MBD4: variants seen among roughly 807,000 people sequenced by gnomAD.
MBD4 encodes the protein methyl-CpG-binding domain protein 4.
Under a neutral mutation model 60.2 loss-of-function variants are expected in MBD4, and 53 were observed. That is an observed-to-expected ratio of 0.88 (90% CI 0.71 to 1.11). MBD4 has a LOEUF of 1.11. MBD4 is among the 50% of genes least tolerant of loss of function. The pLI is 0.00. For synonymous variants in MBD4, 231 were observed against 229.8 expected (o/e 1.01, Z -0.05); for missense variants, 619 against 674.0 (o/e 0.92, Z 0.90).
chr3:129,433,612 C>T (rs1249504382), intron 5 of MBD4: 1 of 594,680 alleles, frequency 1.7e-6, no homozygotes, highest in Non-Finnish European at 2.9e-6. Context: ...CTGATTTTCA[C>T]TGATGATCAA....
chr3:129,433,858 C>T lies in MBD4; in HGVS notation c.1385G>A (p.Arg462Gln), dbSNP rs551945879. Residue 462 changes from arginine to glutamine, a missense_variant, in exon 5 of 8, where the codon CGG (arginine) becomes CAG (glutamine). Physicochemically the swap from Arg to Gln is conservative, Grantham distance 43. Coordinates refer to ENST00000429544, the MANE Select transcript of MBD4 (RefSeq NM_001276270.2). ...KLLIATIFLN[R>Q]TSGKMAIPVL... ...GATAATAATCCCCAAACCTGAGGTC[C>T]GATTGAGAAATATAGTAGCGATGAG... 2.5e-6 allele frequency: 4 copies of T among 1,613,982 alleles called. No individual in the cohort carries two copies. The highest frequency in any genetic ancestry group is 2.2e-5 in the South Asian group (2 of 91,076).
chr3:129,436,088 A>C (rs2072454132), intron 3 of MBD4, among the ~76,000 whole-genome samples: 1 of 152,214 alleles, frequency 6.6e-6, no homozygotes, highest in Non-Finnish European at 1.5e-5. Context: ...GAAGGCTTTT[A>C]ATTTTCCTTC....
At chr3:129,432,365 C>A (rs1275522010) in intron 7 of MBD4, 138 bp downstream of exon 7, 1 of 1,554,226 alleles carries the variant, frequency 6.4e-7, no homozygotes, top group East Asian at 2.4e-5. Flanking sequence ...ACATGCCACC[C>A]GCTTCCCCGC....
chr3:129,431,411 CTA>C lies in MBD4; in HGVS notation c.*88_*89del. On this transcript the variant is annotated 3_prime_UTR_variant, in exon 8 of 8. Transcript: ENST00000429544. ...CTTCTAGTTGGGCTAATTAAAATCT[CTA>C]TGGCTGGAAAGGTGGTTGGTTGTAC... 1 of 1,041,530 alleles carries C rather than the reference CTA, an allele frequency of 9.6e-7. No homozygotes were observed. The highest frequency in any genetic ancestry group is 2.0e-4 in the Middle Eastern group (1 of 4,946). The allele number at this position is 1,041,530 out of a possible 1,614,324, so 64.5% of individuals were successfully genotyped here. A position where few individuals can be genotyped will look rare whatever the true frequency, so the allele number is the denominator to read the frequency against.
In MBD4 at chr3:129,431,751, A is replaced by C. The variant is rs3138363; in HGVS notation, c.1648-173T>G. ...TCATGAATATTTTAAGTTATACCTT[A>C]TATTAAGGTAATCTCACACAATTTA... On this transcript the variant is annotated intron_variant, in intron 7 of 7. Coordinates refer to ENST00000429544, the MANE Select transcript of MBD4 (RefSeq NM_001276270.2). 0.077 allele frequency among the ~76,000 whole-genome samples: 11,690 copies of C among 152,302 alleles called. 507 individuals carry two copies. The highest frequency in any genetic ancestry group is 0.1 in the South Asian group (499 of 4,828).
At chr3:129,439,691 G>T in intron 1 of MBD4, 39 bp downstream of exon 1, 1 of 1,208,762 alleles carries the variant, frequency 8.3e-7, no homozygotes, top group Non-Finnish European at 1.2e-6. Flanking sequence ...CCATTTTACA[G>T]GTGGTGAAAC....
intron 1 of MBD4, among the ~76,000 whole-genome samples, chr3:129,438,217 G>A (rs1235911425): frequency 6.6e-6 from 1 of 152,164 alleles, no homozygotes; most frequent in Non-Finnish European, 1.5e-5. Flanking sequence ...TAATCACTGA[G>A]TAGGGCTATT....
At chr3:129,432,161 A>T (rs1446906815) in intron 7 of MBD4, 3 of 1,337,874 alleles carry the variant, frequency 2.2e-6, no homozygotes, top group Non-Finnish European at 2.9e-6. Context: ...TGCAGGCCCA[A>T]ACCTTCCTGC....
chr3:129,435,895 T>C (rs1357251901), intron 3 of MBD4, among the ~76,000 whole-genome samples: 2 of 152,236 alleles, frequency 1.3e-5, no homozygotes, highest in Non-Finnish European at 2.9e-5. Context: ...TTTTGAATTA[T>C]TTAGAGCTCT....
chr3:129,432,805 G>A (rs546927303), intron 6 of MBD4, among the ~76,000 whole-genome samples, 199 bp from the exon 7 acceptor site: 17 of 152,276 alleles, frequency 1.1e-4, no homozygotes, highest in Admixed American at 2.0e-4. Flanking sequence ...ACTCTTTTGT[G>A]CTGTGCTAAC....
chr3:129,437,598 G>T (rs2072491466), intron 2 of MBD4, 122 bp downstream of exon 2: 1 of 744,458 alleles, frequency 1.3e-6, no homozygotes, highest in South Asian at 1.6e-5. Context: ...AACATTGAAA[G>T]AATAGAATCT....
Position 129,432,541 on chromosome 3 carries a change from C to T in MBD4, c.1609G>A (p.Asp537Asn), listed in dbSNP as rs1338994586. The change falls in exon 7 of 8, where the codon GAC becomes AAC. Residue 537 changes from aspartate (D) to asparagine (N), a missense_variant. Asp to Asn is a conservative substitution (Grantham distance 23). Coordinates refer to ENST00000429544, the MANE Select transcript of MBD4 (RefSeq NM_001276270.2). ...TTGACACAAAAAATTCGGTAAGAGT[C>T]GTTGCCATATTTACCAATCCCATGA... ...ELHGIGKYGN[D>N]SYRIFCVNEW... 4 of 1,614,194 alleles carry T rather than the reference C, an allele frequency of 2.5e-6. No homozygotes were observed. The highest frequency in any genetic ancestry group is 2.5e-6 in the Non-Finnish European group (3 of 1,180,040).
At chr3:129,437,347 T>C (rs970050243) in intron 2 of MBD4, 39 bp from the exon 3 acceptor site, 54 of 1,518,214 alleles carry the variant, frequency 3.6e-5, no homozygotes, top group Non-Finnish European at 4.7e-5. Flanking sequence ...TGCTAGTAAA[T>C]AGAAGGGACT....
At chr3:129,437,391 A>G (rs1577065958) in intron 2 of MBD4, 83 bp from the exon 3 acceptor site, 1 of 1,142,456 alleles carries the variant, frequency 8.8e-7, no homozygotes, top group Non-Finnish European at 1.3e-6. Flanking sequence ...CAGATTTCTA[A>G]TTAATTTCCA....
Position 129,431,314 on chromosome 3 carries a change from A to G in MBD4, c.*187T>C. Reference sequence around the variant, plus strand: ...AATAATTTATTTTAAAAAAATCTCAAAACATGTTCAAACACATTCAGTAGC... The same window carrying G: ...AATAATTTATTTTAAAAAAATCTCAGAACATGTTCAAACACATTCAGTAGC... On this transcript the variant is annotated 3_prime_UTR_variant, in exon 8 of 8. Transcript: ENST00000429544. 1 of 571,828 alleles carries G rather than the reference A, an allele frequency of 1.7e-6. No individual in the cohort carries two copies. The highest frequency in any genetic ancestry group is 3.1e-6 in the Non-Finnish European group (1 of 320,824). 35.4% of individuals were successfully genotyped at this position (571,828 alleles called of 1,614,324 possible). A position where few individuals can be genotyped will look rare whatever the true frequency, so the allele number is the denominator to read the frequency against.
At chr3:129,432,156 GC>G in intron 7 of MBD4, 1 of 1,325,132 alleles carries the variant, frequency 7.5e-7, no homozygotes, top group Non-Finnish European at 9.7e-7. Context: ...TACATTGCAG[GC>G]CCAAACCTTC....
chr3:129,439,727 T>TA lies in MBD4; in HGVS notation c.104+2dup. On this transcript the variant is annotated splice_region_variant and intron_variant, in intron 1 of 7. Coordinates refer to ENST00000429544, the MANE Select transcript of MBD4 (RefSeq NM_001276270.2). The stretch of plus-strand genomic sequence containing the variant: ...TGAGGCCCAAAAGGGGACAGTAACT[T>TA]ACCGGAGGTCATTCGGCGGGTCTGG... 6.4e-7 allele frequency: 1 copy of TA among 1,565,722 alleles called. No individual in the cohort carries two copies.
chr3:129,431,101 G>C lies in MBD4; in HGVS notation c.*400C>G, dbSNP rs2072335463. On this transcript the variant is annotated 3_prime_UTR_variant, in exon 8 of 8. Transcript: ENST00000429544. ...CCTCATGAGCTCAAATGATCCTCCTGCCTCAGCCTTCCGAGATTACAGGCA... is the reference window on the plus strand; with the variant it reads ...CCTCATGAGCTCAAATGATCCTCCTCCCTCAGCCTTCCGAGATTACAGGCA... 1 of 218,644 alleles carries C rather than the reference G, an allele frequency of 4.6e-6. No homozygotes were observed. Among genetic ancestry groups the C allele is most frequent in the African/African-American group, 2.4e-5 (1 of 42,212 alleles). The allele number at this position is 218,644 out of a possible 1,614,324, so 13.5% of individuals were successfully genotyped here. A position where few individuals can be genotyped will look rare whatever the true frequency, so the allele number is the denominator to read the frequency against.
chr3:129,435,311 T>C (rs1420811718), intron 3 of MBD4, among the ~76,000 whole-genome samples: 2 of 152,126 alleles, frequency 1.3e-5, no homozygotes, highest in African/African-American at 4.8e-5. Flanking sequence ...TAATTACTAG[T>C]CTCCTTTATG....
Sources: allele counts gnomAD v4.1 joint callset (sites outside exome capture counted in the v4.1 genomes callset), GRCh38; gene constraint gnomAD v4.1.1; transcripts MANE v1.5; gene names NCBI Gene and HGNC (gene_info 2026-07-23, HGNC 2026-07-21).